The following CNTN1 variants were observed in gnomAD, a reference collection of about 807,000 sequenced individuals.
CNTN1 encodes contactin-1.
In CNTN1, 38 loss-of-function variants were observed where a neutral mutation model predicts 126.4. The observed-to-expected ratio is 0.30, with a 90% CI of 0.23 to 0.39. The LOEUF is 0.39. CNTN1 is among the 10% of genes least tolerant of loss of function. The probability of loss-of-function intolerance (pLI) is 1.00; values close to 1 mark genes in which losing one functional copy is unlikely to be tolerated. For missense variants in CNTN1, 1,009 were observed against 1,248.4 expected (o/e 0.81, Z 2.89); for synonymous variants, 413 against 422.6 (o/e 0.98, Z 0.28).
At chr12:40,861,218 T>C (rs762493157) in intron 1 of CNTN1, among the ~76,000 whole-genome samples, 13 of 152,136 alleles carry the variant, frequency 8.5e-5, no homozygotes, top group African/African-American at 2.9e-4. Context: ...CCATGTTAAG[T>C]TTTTTTCTCT....
chr12:40,725,178 G>A (rs1456360761), intron 1 of CNTN1, among the ~76,000 whole-genome samples: 1 of 152,036 alleles, frequency 6.6e-6, no homozygotes, highest in African/African-American at 2.4e-5. Context: ...AAGGCCGGTG[G>A]ATCACCTGAG....
chr12:41,067,535 C>T (rs1950071434), intron 23 of CNTN1, among the ~76,000 whole-genome samples: 1 of 146,576 alleles, frequency 6.8e-6, no homozygotes, highest in African/African-American at 2.5e-5. Flanking sequence ...CCAAACACCG[C>T]ATATTCTCAC....
chr12:40,964,807 CA>C (rs1947248004), intron 15 of CNTN1, among the ~76,000 whole-genome samples: 1 of 152,054 alleles, frequency 6.6e-6, no homozygotes, highest in Admixed American at 6.6e-5. Flanking sequence ...TGGAAGCTGT[CA>C]GTATACGTTT....
chr12:40,753,277 T>C (rs1456107983), intron 1 of CNTN1, among the ~76,000 whole-genome samples: 1 of 152,084 alleles, frequency 6.6e-6, no homozygotes, highest in Non-Finnish European at 1.5e-5. Flanking sequence ...TATACTGCTA[T>C]AAAAAAGAGG....
chr12:40,740,843 C>T lies in CNTN1; in HGVS notation c.-77+48251C>T, dbSNP rs193053637. Among the ~76,000 whole-genome samples the T allele has an allele frequency of 1.3e-3, 192 of 152,230 alleles. 1 individual carries two copies. Among genetic ancestry groups the T allele is most frequent in the South Asian group, 7.9e-3 (38 of 4,828 alleles). The stretch of plus-strand genomic sequence containing the variant: ...CAGTTCCCCTGCACACACTCTCTTG[C>T]CTGCCGCCATGTAAGATGTGCTTTT... On this transcript the variant is annotated intron_variant, in intron 1 of 23. Coordinates refer to ENST00000551295, the MANE Select transcript of CNTN1 (RefSeq NM_001843.4).
At chr12:40,866,439 G>A (rs1244345286) in intron 1 of CNTN1, among the ~76,000 whole-genome samples, 1 of 152,132 alleles carries the variant, frequency 6.6e-6, no homozygotes, top group Non-Finnish European at 1.5e-5. Context: ...AATGTTAGCA[G>A]TGGATTTTGT....
At chr12:40,838,853 A>C (rs1942173010) in intron 1 of CNTN1, among the ~76,000 whole-genome samples, 1 of 148,190 alleles carries the variant, frequency 6.7e-6, no homozygotes, top group South Asian at 2.1e-4. Context: ...AGGATACATG[A>C]AGCATGAAAA....
At chr12:40,923,402 T>A (rs920487153) in intron 5 of CNTN1, among the ~76,000 whole-genome samples, 1 of 152,042 alleles carries the variant, frequency 6.6e-6, no homozygotes, top group African/African-American at 2.4e-5. Context: ...TTTTAAGAAG[T>A]CCTTCATGGT....
At chr12:40,858,275 C>A (rs1233421008) in intron 1 of CNTN1, among the ~76,000 whole-genome samples, 1 of 152,150 alleles carries the variant, frequency 6.6e-6, no homozygotes, top group Admixed American at 6.6e-5. Flanking sequence ...AGGGCCCAAG[C>A]CCTCTTTTAA....
At chr12:40,921,778 T>G (rs1009305858) in intron 4 of CNTN1, among the ~76,000 whole-genome samples, 1 of 152,232 alleles carries the variant, frequency 6.6e-6, no homozygotes, top group Admixed American at 6.5e-5. Context: ...AATATGTCAC[T>G]TATTGAGCAG....
intron 15 of CNTN1, among the ~76,000 whole-genome samples, chr12:40,969,892 C>T (rs1947443347): frequency 6.6e-6 from 1 of 152,144 alleles, no homozygotes; most frequent in Non-Finnish European, 1.5e-5. Context: ...TTGTGACACA[C>T]CAGAGTGTAG....
intron 1 of CNTN1, among the ~76,000 whole-genome samples, chr12:40,875,790 T>A (rs1943649076): frequency 6.6e-6 from 1 of 152,062 alleles, no homozygotes; most frequent in Admixed American, 6.6e-5. Flanking sequence ...GTTTTCAGGT[T>A]TTTTTGGCTA....
intron 1 of CNTN1, among the ~76,000 whole-genome samples, chr12:40,770,237 A>G (rs1202820180): frequency 6.6e-6 from 1 of 152,114 alleles, no homozygotes. Flanking sequence ...CAGTCTTTGT[A>G]ACCTCAGTTA....
At chr12:40,773,567 A>G (rs1386751609) in intron 1 of CNTN1, among the ~76,000 whole-genome samples, 6 of 150,282 alleles carry the variant, frequency 4.0e-5, no homozygotes, top group African/African-American at 9.8e-5. Flanking sequence ...AAACAGTGTT[A>G]GCTTTATGAT....
At chr12:40,718,529 T>TG (rs1260394635) in intron 1 of CNTN1, among the ~76,000 whole-genome samples, 1 of 152,110 alleles carries the variant, frequency 6.6e-6, no homozygotes, top group Non-Finnish European at 1.5e-5. Flanking sequence ...CAGTCAACAC[T>TG]GGGGGCTGGG....
At chr12:40,944,439 A>G (rs1946368195) in intron 14 of CNTN1, among the ~76,000 whole-genome samples, 1 of 152,152 alleles carries the variant, frequency 6.6e-6, no homozygotes, top group East Asian at 1.9e-4. Context: ...TTTTAATACA[A>G]TTGATGTGTA....
chr12:40,947,780 TATACACACAC>T (rs1244662355), intron 14 of CNTN1, among the ~76,000 whole-genome samples: 1 of 67,584 alleles, frequency 1.5e-5, no homozygotes, highest in Non-Finnish European at 2.8e-5. Context: ...TATATATATA[TATACACACAC>T]ACACACACAC....
rs192108591 is a variant in CNTN1, at chr12:41,037,234, C to T, written c.2980+8015C>T. Among the ~76,000 whole-genome samples, 9 of 152,112 alleles carry T rather than the reference C, an allele frequency of 5.9e-5. No homozygotes were observed. In the South Asian group the frequency reaches 8.3e-4, roughly 14 times the overall value. On this transcript the variant is annotated intron_variant, in intron 23 of 23. Coordinates refer to ENST00000551295, the MANE Select transcript of CNTN1 (RefSeq NM_001843.4). ...ATTATAAAAGTTCCCAAATATTTAA[C>T]GTTGAACATAAACAGAAAGTCACAA... is the stretch of plus-strand genomic sequence containing the variant.
At chr12:40,964,938 C>T (rs1947252929) in intron 15 of CNTN1, among the ~76,000 whole-genome samples, 1 of 152,054 alleles carries the variant, frequency 6.6e-6, no homozygotes, top group Non-Finnish European at 1.5e-5. Context: ...AGTTAATATC[C>T]AGAGTATCCC....
Sources: allele counts gnomAD v4.1 joint callset (sites outside exome capture counted in the v4.1 genomes callset), GRCh38; gene constraint gnomAD v4.1.1; transcripts MANE v1.5; gene names NCBI Gene and HGNC (gene_info 2026-07-23, HGNC 2026-07-21).